The following DNM1L variants were observed in gnomAD, a reference collection of about 807,000 sequenced individuals.
DNM1L encodes the protein dynamin 1L.
In DNM1L, 33 loss-of-function variants were observed where a neutral mutation model predicts 92.8. That is an observed-to-expected ratio of 0.36 (90% CI 0.27 to 0.48). The LOEUF (loss-of-function observed/expected upper bound fraction) is 0.48, where lower values mean the gene tolerates loss of function less well. Among genes scored for constraint, DNM1L ranks in the 20% least tolerant of loss-of-function variants. The pLI is 0.99. For synonymous variants in DNM1L, 284 were observed against 305.0 expected, an observed-to-expected ratio of 0.93 and a Z score of 0.72; for missense variants, 485 against 888.8, an observed-to-expected ratio of 0.55 and a Z score of 5.78.
chr12:32,717,172 AAT>A (rs1163985304), intron 6 of DNM1L, among the ~76,000 whole-genome samples: 2 of 121,286 alleles, frequency 1.6e-5, no homozygotes, highest in South Asian at 2.2e-4. Context: ...TATACTATAA[AAT>A]ATATATAGTA....
chr12:32,740,214 G>C lies in DNM1L; in HGVS notation c.1858G>C (p.Gly620Arg). The change falls in exon 17 of 20, where the codon GGT becomes CGT. Residue 620 changes from glycine (G) to arginine (R), a missense_variant. Gly to Arg is a moderately radical substitution (Grantham distance 125). Around this residue, in one of 11 missense-constraint regions of DNM1L, gnomAD observed 133 missense variants for 210.9 expected, o/e 0.63. Coordinates refer to ENST00000549701, the MANE Select transcript of DNM1L (RefSeq NM_012062.5). ...AATTATGCCAGCCAGTCCACAAAAA[G>C]GTCATGCCGTGAACCTGCTAGATGT... ...IPIMPASPQK[G>R]HAVNLLDVPV... The C allele has an allele frequency of 6.2e-7, 1 of 1,614,080 alleles. No individual in the cohort carries two copies. The highest frequency in any genetic ancestry group is 8.5e-7 in the Non-Finnish European group (1 of 1,179,998).
chr12:32,712,662 AAAAAAAAAAAAAAAAAG>A (rs1953180198), intron 5 of DNM1L, among the ~76,000 whole-genome samples: 1 of 150,138 alleles, frequency 6.7e-6, no homozygotes, highest in South Asian at 2.1e-4. Context: ...AAAAAAAAAA[AAAAAAAAAAAAAAAAAG>A]AAAAAAATCA....
At chr12:32,713,427 T>A in intron 6 of DNM1L, 56 bp downstream of exon 6, 1 of 1,579,860 alleles carries the variant, frequency 6.3e-7, no homozygotes, top group Non-Finnish European at 8.7e-7. Context: ...AAATCTACCC[T>A]TGAGAAAGGA....
At chr12:32,687,720 G>A (rs185781974) in intron 1 of DNM1L, among the ~76,000 whole-genome samples, 13 of 152,166 alleles carry the variant, frequency 8.5e-5, no homozygotes, top group Non-Finnish European at 1.8e-4. Context: ...AAAGTGCTGG[G>A]AATACAGGCA....
intron 5 of DNM1L, among the ~76,000 whole-genome samples, chr12:32,712,284 C>G (rs560500862): frequency 4.6e-5 from 7 of 152,126 alleles, no homozygotes; most frequent in Non-Finnish European, 1.0e-4. Context: ...CTACTTGTTA[C>G]GTCCCTATTC....
In DNM1L at chr12:32,737,172, G is replaced by A; in HGVS notation, c.1596+11G>A. ...GTATCACGAGACAAGGTAAAAAAAT[G>A]TTTTTAATGCATATTCCCAATACCT... On this transcript the variant is annotated intron_variant, in intron 14 of 19. Coordinates refer to ENST00000549701, the MANE Select transcript of DNM1L (RefSeq NM_012062.5). 1.2e-6 allele frequency: 2 copies of A among 1,613,328 alleles called. No homozygotes were observed. Among genetic ancestry groups the A allele is most frequent in the Non-Finnish European group, 1.7e-6 (2 of 1,179,636 alleles).
chr12:32,684,910 C>T (rs1396608297), intron 1 of DNM1L, among the ~76,000 whole-genome samples: 1 of 150,926 alleles, frequency 6.6e-6, no homozygotes, highest in Non-Finnish European at 1.5e-5. Context: ...GCTCTGCGAA[C>T]ATTCGTTTAC....
In DNM1L at chr12:32,745,308, AC is replaced by A; in HGVS notation, c.*1899del. 4.4e-6 allele frequency: 1 copy of A among 226,182 alleles called. No individual in the cohort carries two copies. The highest frequency in any genetic ancestry group is 6.2e-5 in the South Asian group (1 of 16,236). 14.0% of individuals were successfully genotyped at this position (226,182 alleles called of 1,614,324 possible). ...GGAAAAAAAACAAAAACAAAAACTT[AC>A]GATGCACTTTTCTCCAGCACATCAG... On this transcript the variant is annotated 3_prime_UTR_variant, in exon 20 of 20. Coordinates refer to ENST00000549701, the MANE Select transcript of DNM1L (RefSeq NM_012062.5).
chr12:32,680,337 TATATTG>T (rs1951760301), intron 1 of DNM1L, among the ~76,000 whole-genome samples: 3 of 152,232 alleles, frequency 2.0e-5, no homozygotes, highest in East Asian at 1.9e-4. Flanking sequence ...TAGAAATTAG[TATATTG>T]ATATTAAGTG....
rs143239154 is a variant in DNM1L at position 32,745,282 on chromosome 12, G to A, written c.*1872G>A. 2.5e-3 allele frequency: 535 copies of A among 210,688 alleles called. 4 individuals carry two copies. The highest frequency in any genetic ancestry group is 0.015 in the South Asian group (209 of 14,362). 13.1% of individuals were successfully genotyped at this position (210,688 alleles called of 1,614,324 possible). A position where few individuals can be genotyped will look rare whatever the true frequency, so the allele number is the denominator to read the frequency against. ...TATTCTAGTCCTTTGAATTTGTAAG[G>A]GGAAAAAAAACAAAAACAAAAACTT... On this transcript the variant is annotated 3_prime_UTR_variant, in exon 20 of 20. Coordinates refer to ENST00000549701, the MANE Select transcript of DNM1L (RefSeq NM_012062.5).
At chr12:32,683,128 G>T (rs1266241581) in intron 1 of DNM1L, among the ~76,000 whole-genome samples, 1 of 152,208 alleles carries the variant, frequency 6.6e-6, no homozygotes, top group African/African-American at 2.4e-5. Flanking sequence ...CTGGCTTAGT[G>T]TTCCTAGTAA....
intron 1 of DNM1L, among the ~76,000 whole-genome samples, chr12:32,696,675 C>CTGGA (rs879872879): frequency 0.16 from 24,846 of 150,672 alleles, 2,257 homozygotes; most frequent in African/African-American, 0.24. Flanking sequence ...TGTCCAATGG[C>CTGGA]GTGCAATGGC....
chr12:32,684,939 G>A (rs1356452402), intron 1 of DNM1L, among the ~76,000 whole-genome samples: 2 of 142,170 alleles, frequency 1.4e-5, no homozygotes, highest in African/African-American at 5.3e-5. Context: ...GTGTGAATGT[G>A]TATTTTTTTT....
intron 5 of DNM1L, chr12:32,711,307 G>A (rs982765431): frequency 5.3e-5 from 18 of 341,388 alleles, no homozygotes; most frequent in African/African-American, 1.7e-4. Context: ...TGGAACTCTC[G>A]TTTTCTCTAG....
At chr12:32,679,547 C>T (rs1225264415) in intron 1 of DNM1L, 82 bp downstream of exon 1, 2 of 1,446,086 alleles carry the variant, frequency 1.4e-6, no homozygotes, top group Non-Finnish European at 1.9e-6. Context: ...CACTCCCGCG[C>T]CAGCGCCCAC....
At chr12:32,709,341 C>T (rs1025276986) in intron 4 of DNM1L, among the ~76,000 whole-genome samples, 1 of 152,126 alleles carries the variant, frequency 6.6e-6, no homozygotes, top group African/African-American at 2.4e-5. Context: ...TCTGAATTCT[C>T]TCTCCTACAG....
intron 5 of DNM1L, 74 bp from the exon 6 acceptor site, chr12:32,713,135 A>G (rs1322301237): frequency 3.9e-5 from 57 of 1,445,186 alleles, no homozygotes; most frequent in South Asian, 2.2e-4. Context: ...CCTATATTCT[A>G]TCGATTAAAT....
At chr12:32,680,119 T>C in intron 1 of DNM1L, 1 of 671,408 alleles carries the variant, frequency 1.5e-6, no homozygotes, top group Non-Finnish European at 1.8e-6. Context: ...ATATCCGATT[T>C]TTCTGCGTAG....
intron 2 of DNM1L, among the ~76,000 whole-genome samples, chr12:32,702,079 C>G (rs910843565): frequency 2.6e-5 from 4 of 151,038 alleles, no homozygotes; most frequent in Admixed American, 6.6e-5. Context: ...GCTAAAAATA[C>G]AAAAATTAGC....
Sources: gnomAD v4.1 joint callset for allele counts (sites outside exome capture counted in the v4.1 genomes callset) on GRCh38, gnomAD v4.1.1 for gene constraint, gnomAD v4.1.1 regional missense constraint, MANE v1.5 for transcripts, NCBI Gene and HGNC (gene_info 2026-07-23, HGNC 2026-07-21) for gene names.